The following NTM variants were observed in gnomAD, a reference collection of about 807,000 sequenced individuals.
NTM encodes the protein IgLON family member 2.
A neutral mutation model predicts 42.1 loss-of-function variants in NTM; 13 were observed. That is an observed-to-expected ratio of 0.31 (90% CI 0.20 to 0.49). The LOEUF (loss-of-function observed/expected upper bound fraction) is 0.49. NTM is among the 20% of genes least tolerant of loss of function. The probability of loss-of-function intolerance (pLI) is 0.99; values close to 1 mark genes in which losing one functional copy is unlikely to be tolerated. For missense variants in NTM, 373 were observed against 452.8 expected (o/e 0.82, Z 1.60); for synonymous variants, 187 against 179.2 (o/e 1.04, Z -0.35).
At chr11:131,768,511 A>T (rs1017350291) in intron 1 of NTM, among the ~76,000 whole-genome samples, 6 of 152,214 alleles carry the variant, frequency 3.9e-5, no homozygotes, top group African/African-American at 1.4e-4. Context: ...TGATCCATAC[A>T]TCAGGGTGAA....
intron 2 of NTM, among the ~76,000 whole-genome samples, chr11:131,946,378 G>A (rs1316170102): frequency 6.6e-6 from 1 of 152,150 alleles, no homozygotes; most frequent in Non-Finnish European, 1.5e-5. Flanking sequence ...AGAGGAGAAT[G>A]CACCTAAGGC....
At chr11:132,263,840 C>G (rs149169396) in intron 4 of NTM, among the ~76,000 whole-genome samples, 62 of 152,338 alleles carry the variant, frequency 4.1e-4, no homozygotes, top group African/African-American at 1.3e-3. Flanking sequence ...TTTCTAATAA[C>G]ATGTCCTTTA....
intron 1 of NTM, among the ~76,000 whole-genome samples, chr11:131,603,634 CA>C (rs2060673788): frequency 6.6e-6 from 1 of 152,146 alleles, no homozygotes; most frequent in Non-Finnish European, 1.5e-5. Flanking sequence ...AATTCTAAAA[CA>C]TTTTCAAGAC....
chr11:132,192,788 A>G (rs1431123005), intron 3 of NTM, among the ~76,000 whole-genome samples: 2 of 152,190 alleles, frequency 1.3e-5, no homozygotes, highest in Non-Finnish European at 2.9e-5. Context: ...CATAGGCTCA[A>G]AATAAAGGGA....
chr11:131,825,617 C>T (rs942985721), intron 1 of NTM, among the ~76,000 whole-genome samples: 5 of 152,156 alleles, frequency 3.3e-5, no homozygotes, highest in Non-Finnish European at 7.4e-5. Flanking sequence ...CTGTTGAAGA[C>T]AGTTGCAGCC....
At chr11:131,975,330 C>T (rs1052919264) in intron 2 of NTM, among the ~76,000 whole-genome samples, 2 of 152,114 alleles carry the variant, frequency 1.3e-5, no homozygotes, top group African/African-American at 2.4e-5. Flanking sequence ...CAGGTGCACG[C>T]CACCATGCCC....
chr11:132,104,709 A>C (rs1012288175), intron 2 of NTM, among the ~76,000 whole-genome samples: 4 of 151,000 alleles, frequency 2.6e-5, no homozygotes, highest in Non-Finnish European at 5.9e-5. Flanking sequence ...CGGCCTGGGC[A>C]ACATAGTGGG....
chr11:132,105,813 C>T (rs1188927295), intron 2 of NTM, among the ~76,000 whole-genome samples: 1 of 152,190 alleles, frequency 6.6e-6, no homozygotes, highest in Non-Finnish European at 1.5e-5. Flanking sequence ...TCCACCTTCA[C>T]TCTAACCATC....
chr11:131,685,819 C>T (rs375223127), intron 1 of NTM, among the ~76,000 whole-genome samples: 2 of 152,302 alleles, frequency 1.3e-5, no homozygotes, highest in Admixed American at 6.5e-5. Flanking sequence ...CACTTTTTCA[C>T]CCATAGTGTC....
intron 3 of NTM, among the ~76,000 whole-genome samples, chr11:132,190,736 T>TAA (rs35431586): frequency 0.012 from 1,566 of 132,676 alleles, 17 homozygotes; most frequent in African/African-American, 0.028. Flanking sequence ...GAATCCATCT[T>TAA]AAAAAAAAAA....
intron 7 of NTM, among the ~76,000 whole-genome samples, chr11:132,321,873 T>A (rs1450201072): frequency 3.3e-5 from 5 of 149,356 alleles, no homozygotes; most frequent in African/African-American, 1.2e-4. Context: ...GGGCCAATAT[T>A]CAACATTCTT....
intron 1 of NTM, among the ~76,000 whole-genome samples, chr11:131,677,744 G>A (rs915311117): frequency 2.0e-5 from 3 of 152,318 alleles, no homozygotes; most frequent in East Asian, 1.9e-4. Flanking sequence ...GAGAGGTTAC[G>A]CCATTTGCTC....
intron 2 of NTM, among the ~76,000 whole-genome samples, chr11:132,007,436 C>T (rs1434876761): frequency 6.6e-6 from 1 of 152,112 alleles, no homozygotes; most frequent in Non-Finnish European, 1.5e-5. Context: ...TCCTGCTGAG[C>T]GTTACGAAGC....
At chr11:132,331,300 T>TC (rs2095797106) in intron 8 of NTM, among the ~76,000 whole-genome samples, 1 of 152,200 alleles carries the variant, frequency 6.6e-6, no homozygotes, top group Non-Finnish European at 1.5e-5. Context: ...GTGATAGCTT[T>TC]CCCAGTGCAA....
At chr11:131,589,796 G>T (rs934540158) in intron 1 of NTM, among the ~76,000 whole-genome samples, 4 of 152,144 alleles carry the variant, frequency 2.6e-5, no homozygotes, top group African/African-American at 9.7e-5. Context: ...AGTTTCCAGG[G>T]CACTTATTGT....
chr11:131,547,472 C>A (rs1316449862), intron 1 of NTM, among the ~76,000 whole-genome samples: 3 of 152,152 alleles, frequency 2.0e-5, no homozygotes, highest in Non-Finnish European at 1.5e-5. Context: ...GTGGCAGATG[C>A]CAGGCGCTAA....
chr11:131,576,897 G>T (rs547438585), intron 1 of NTM, among the ~76,000 whole-genome samples: 16 of 152,202 alleles, frequency 1.1e-4, no homozygotes, highest in Non-Finnish European at 2.4e-4. Context: ...TATCACCAAT[G>T]ATATGGTTAT....
intron 2 of NTM, among the ~76,000 whole-genome samples, chr11:132,131,871 T>C (rs2066885919): frequency 6.6e-6 from 1 of 152,104 alleles, no homozygotes; most frequent in Non-Finnish European, 1.5e-5. Context: ...AGATGGTCCA[T>C]TGAAGCTTAG....
intron 3 of NTM, among the ~76,000 whole-genome samples, chr11:132,175,008 C>T (rs181726935): frequency 6.6e-6 from 1 of 152,240 alleles, no homozygotes; most frequent in East Asian, 1.9e-4. Context: ...AACCCAGGAC[C>T]TTCACTTTCC....
Sources: allele counts gnomAD v4.1 joint callset (sites outside exome capture counted in the v4.1 genomes callset), GRCh38; gene constraint gnomAD v4.1.1; transcripts MANE v1.5; gene names NCBI Gene and HGNC (gene_info 2026-07-23, HGNC 2026-07-21).